Variants in BCL9 observed in about 807,000 individuals in gnomAD.
BCL9 encodes the protein BCL9 transcription coactivator, also known as B-cell CLL/lymphoma 9 protein.
A neutral mutation model predicts 88.5 loss-of-function variants in BCL9; 25 were observed. That is an observed-to-expected ratio of 0.28 (90% CI 0.21 to 0.39). The LOEUF (loss-of-function observed/expected upper bound fraction) is 0.39. Ranked by LOEUF, BCL9 falls within the 10% of genes least tolerant of loss-of-function variation. BCL9 has a pLI of 1.00. For missense variants in BCL9, 1,817 were observed against 1,877.8 expected (o/e 0.97, Z 0.60); for synonymous variants, 711 against 673.3 (o/e 1.06, Z -0.87).
chr1:147,602,211 A>T (rs587664608), intron 1 of BCL9, among the ~76,000 whole-genome samples: 10 of 5,638 alleles, frequency 1.8e-3, no homozygotes, highest in African/African-American at 2.8e-3. Context: ...TAGAAGAGAA[A>T]TTTTTTTTTT....
At chr1:147,546,983 G>A (rs782387119) in intron 1 of BCL9, among the ~76,000 whole-genome samples, 1 of 106,574 alleles carries the variant, frequency 9.4e-6, no homozygotes, top group South Asian at 3.9e-4. Flanking sequence ...GTTCTCACAG[G>A]CTTTTCCATA....
chr1:147,578,931 T>A (rs1411100956), intron 1 of BCL9, among the ~76,000 whole-genome samples: 1 of 152,098 alleles, frequency 6.6e-6, no homozygotes, highest in African/African-American at 2.4e-5. Context: ...AATGGCACGA[T>A]CTCGGCTCAC....
rs587634929 is a variant in BCL9, at chr1:147,605,903, G to T, written c.-342-881G>T. Among the ~76,000 whole-genome samples, 4 of 152,288 alleles carry T rather than the reference G, an allele frequency of 2.6e-5. No homozygotes were observed. In the East Asian group the frequency reaches 7.7e-4, roughly 29 times the overall value. On this transcript the variant is annotated intron_variant, in intron 2 of 9. Transcript: ENST00000234739. The stretch of plus-strand genomic sequence containing the variant: ...AATAAACTGGACTTCTTAGAGCAGG[G>T]AAATGGGAAAGCATCATTGAAAGAG...
intron 6 of BCL9, 148 bp downstream of exon 6, chr1:147,614,764 G>A: frequency 1.2e-6 from 1 of 831,356 alleles, no homozygotes; most frequent in Non-Finnish European, 1.8e-6. Flanking sequence ...TCCCCCAGAG[G>A]CAACCACTGA....
intron 1 of BCL9, among the ~76,000 whole-genome samples, chr1:147,550,037 A>G (rs1654815233): frequency 6.6e-5 from 10 of 151,840 alleles, no homozygotes; most frequent in Admixed American, 5.9e-4. Context: ...TTCAGCTGCA[A>G]TTTTCCCTGA....
At chr1:147,611,459 G>A (rs1657997606) in intron 3 of BCL9, 119 bp from the exon 4 acceptor site, 1 of 260,844 alleles carries the variant, frequency 3.8e-6, no homozygotes, top group Non-Finnish European at 7.5e-6. Flanking sequence ...TGATGGAAGT[G>A]GAGGCATGGT....
chr1:147,614,065 A>G (rs1226607795), intron 5 of BCL9, among the ~76,000 whole-genome samples: 1 of 152,302 alleles, frequency 6.6e-6, no homozygotes, highest in South Asian at 2.1e-4. Context: ...GCACCTAGAA[A>G]GCTGATTATT....
Position 147,619,043 on chromosome 1 carries a change from T to C in BCL9, c.888T>C (p.Thr296=). Residue 296 remains threonine (T), a synonymous_variant, in exon 8 of 10, where the codon ACT becomes ACC. Coordinates refer to ENST00000234739, the MANE Select transcript of BCL9 (RefSeq NM_004326.4). This position sits in a 1 kb window ranked among gnomAD's most constrained non-coding sequence, Gnocchi z 4.1. The part of the protein sequence containing the change: ...IPSVGSPASS[T]PLPPDGTGPN... ...CTGTAGGAAGTCCTGCCAGCTCCACTCCACTGCCCCCAGATGGTACTGGGC... is the reference window on the plus strand; with the variant it reads ...CTGTAGGAAGTCCTGCCAGCTCCACCCCACTGCCCCCAGATGGTACTGGGC... The C allele has an allele frequency of 6.2e-7, 1 of 1,610,424 alleles. No homozygotes were observed. The highest frequency in any genetic ancestry group is 1.1e-5 in the South Asian group (1 of 90,646).
intron 1 of BCL9, among the ~76,000 whole-genome samples, chr1:147,546,984 C>G (rs185907004): frequency 1.0e-5 from 1 of 98,052 alleles, no homozygotes; most frequent in Non-Finnish European, 2.0e-5. Context: ...TTCTCACAGG[C>G]TTTTCCATAA....
At chr1:147,618,163 AC>A (rs1186513611) in intron 7 of BCL9, among the ~76,000 whole-genome samples, 5 of 152,160 alleles carry the variant, frequency 3.3e-5, no homozygotes, top group South Asian at 2.1e-4. Context: ...CAGTTAATGT[AC>A]AAATTCTTAT....
In BCL9 at chr1:147,622,403, G is replaced by A. The variant is rs1553205574; in HGVS notation, c.3035G>A (p.Arg1012Gln). The A allele has an allele frequency of 5.0e-6, 8 of 1,613,924 alleles. No individual in the cohort carries two copies. The highest frequency in any genetic ancestry group is 6.8e-6 in the Non-Finnish European group (8 of 1,180,032). The change falls in exon 9 of 10, where the codon CGA becomes CAA. Residue 1012 changes from arginine (R) to glutamine (Q), a missense_variant. By Grantham distance (43) the Arg-to-Gln change is conservative. This residue lies in a region of BCL9 where 589 missense variants were observed against 686.2 expected (regional missense o/e 0.86). Transcript: ENST00000234739. ...AACCCACTCTCTATTATGATGTCTC[G>A]AATGTCCAAGTTTGCAATGCCCAGT... Reference protein sequence around the residue: ...SQNPLSIMMSRMSKFAMPSST... With the variant: ...SQNPLSIMMSQMSKFAMPSST...
Position 147,599,911 on chromosome 1 carries a change from A to G in BCL9, c.-477-4866A>G, listed in dbSNP as rs1657268395. 2.7e-5 allele frequency among the ~76,000 whole-genome samples: 4 copies of G among 149,152 alleles called. No individual in the cohort carries two copies. In the East Asian group the frequency reaches 8.1e-4, roughly 30 times the overall value. ...GACGAGCGACTTTCCCTGAAGGGGC[A>G]CGAGCGACTTTCCCTGGAGGGGCGG... On this transcript the variant is annotated intron_variant, in intron 1 of 9. Transcript: ENST00000234739.
chr1:147,611,598 T>A lies in BCL9; in HGVS notation c.-239T>A. 1 of 546,456 alleles carries A rather than the reference T, an allele frequency of 1.8e-6. No individual in the cohort carries two copies. The highest frequency in any genetic ancestry group is 3.3e-6 in the Non-Finnish European group (1 of 302,750). 33.9% of individuals were successfully genotyped at this position (546,456 alleles called of 1,614,324 possible). ...TGTAGTATGCCCTGGAGATGCGAGA[T>A]TTTCCTCTGGCAGCAGGAGGCACGC... On this transcript the variant is annotated 5_prime_UTR_variant, in exon 4 of 10. Coordinates refer to ENST00000234739, the MANE Select transcript of BCL9 (RefSeq NM_004326.4).
At chr1:147,617,829 G>C (rs1441763512) in intron 7 of BCL9, among the ~76,000 whole-genome samples, 1 of 152,128 alleles carries the variant, frequency 6.6e-6, no homozygotes, top group Non-Finnish European at 1.5e-5. Flanking sequence ...TTGGTGAAAG[G>C]TCTCTGAGAC....
chr1:147,549,176 C>T lies in BCL9; in HGVS notation c.-478+7502C>T, dbSNP rs782455544. ...ATATTTAGTAGAGACAGAGTTTTGC[C>T]GTGTTGGCCAGGCTGGTCTTGAACT... On this transcript the variant is annotated intron_variant, in intron 1 of 9. Coordinates refer to ENST00000234739, the MANE Select transcript of BCL9 (RefSeq NM_004326.4). Among the ~76,000 whole-genome samples, 4 of 151,786 alleles carry T rather than the reference C, an allele frequency of 2.6e-5. No individual in the cohort carries two copies. In the East Asian group the frequency reaches 5.8e-4, roughly 22 times the overall value.
intron 1 of BCL9, among the ~76,000 whole-genome samples, chr1:147,585,932 G>T (rs1281538067): frequency 1.3e-5 from 2 of 152,104 alleles, no homozygotes; most frequent in African/African-American, 4.8e-5. Context: ...TTTGTTAGGG[G>T]ATCCTCAACA....
At chr1:147,561,794 A>G (rs4950461) in intron 1 of BCL9, among the ~76,000 whole-genome samples, 36,862 of 152,106 alleles carry the variant, frequency 0.24, 9,204 homozygotes, top group African/African-American at 0.64. Context: ...ACAAAATCCT[A>G]TGGGAGGTTC....
At chr1:147,605,290 T>C (rs1251696368) in intron 2 of BCL9, among the ~76,000 whole-genome samples, 1 of 152,196 alleles carries the variant, frequency 6.6e-6, no homozygotes, top group Non-Finnish European at 1.5e-5. Context: ...TATCAGGTGC[T>C]GAGAGGAGGA....
At chr1:147,601,032 T>C (rs1272269544) in intron 1 of BCL9, among the ~76,000 whole-genome samples, 1 of 152,096 alleles carries the variant, frequency 6.6e-6, no homozygotes, top group Non-Finnish European at 1.5e-5. Context: ...TTGGTTATTA[T>C]GTCCAGAGGG....
Sources: allele counts gnomAD v4.1 joint callset (sites outside exome capture counted in the v4.1 genomes callset), GRCh38; gene constraint gnomAD v4.1.1; regional missense constraint gnomAD v4.1.1; non-coding constraint Gnocchi (gnomAD v3.1); transcripts MANE v1.5; gene names NCBI Gene and HGNC (gene_info 2026-07-23, HGNC 2026-07-21).